The following FRMPD4 variants were observed in gnomAD, a reference collection of about 807,000 sequenced individuals.
The protein encoded by FRMPD4 is FERM and PDZ domain containing 4.
FRMPD4 carries 22 observed loss-of-function variants against 94.1 expected under a neutral mutation model. The ratio of observed to expected loss-of-function variants is 0.23; its 90% CI spans 0.17 to 0.33. The LOEUF (loss-of-function observed/expected upper bound fraction) is 0.33, where lower values mean the gene tolerates loss of function less well. Among genes scored for constraint, FRMPD4 ranks in the 10% least tolerant of loss-of-function variants. The pLI is 1.00. For missense variants in FRMPD4, 1,111 were observed against 1,339.9 expected (o/e 0.83, Z 2.67); for synonymous variants, 631 against 548.6 (o/e 1.15, Z -2.10).
intron 3 of FRMPD4, among the ~76,000 whole-genome samples, chrX:12,096,806 G>C (rs1463228248): frequency 9.0e-6 from 1 of 111,287 alleles, no homozygotes; most frequent in Non-Finnish European, 1.9e-5. Flanking sequence ...AGTATTGCTC[G>C]AGCCCAGGAA....
chrX:11,955,639 G>C (rs192736654), intron 3 of FRMPD4, among the ~76,000 whole-genome samples: 1,209 of 108,609 alleles, frequency 0.011, 21 homozygotes, highest in African/African-American at 0.038. Context: ...CTACTCGGGA[G>C]GCTGAGGCAG....
chrX:12,035,456 T>C (rs964589772), intron 3 of FRMPD4, among the ~76,000 whole-genome samples: 3 of 111,987 alleles, frequency 2.7e-5, no homozygotes, highest in Non-Finnish European at 3.8e-5. Context: ...TATTATAACA[T>C]GGTAACTTTG....
intron 3 of FRMPD4, among the ~76,000 whole-genome samples, chrX:11,906,518 T>G (rs970559834): frequency 1.3e-4 from 14 of 111,799 alleles, no homozygotes; most frequent in Non-Finnish European, 2.6e-4. Context: ...TTTTTGTGGG[T>G]TTTTTCATTC....
At position 12,716,928 on chromosome X, in the gene FRMPD4, T is replaced by C. The variant is rs1479752361; in HGVS notation, c.2469T>C (p.Ser823=). 8.3e-7 allele frequency: 1 copy of C among 1,210,970 alleles called. No homozygotes were observed. Among genetic ancestry groups the C allele is most frequent in the South Asian group, 1.8e-5 (1 of 56,946 alleles). ...GAGACAGTTCAGATGAAGAGGACTC[T>C]CAGAGCCAGGCAGCTTCCTTCCCCG... ...GFRDSSDEED[S]QSQAASFPED... The change falls in exon 15 of 17, where the codon TCT becomes TCC. Residue 823 remains serine (S), a synonymous_variant. Transcript: ENST00000675598.
intron 3 of FRMPD4, among the ~76,000 whole-genome samples, chrX:12,107,571 G>A (rs1265447070): frequency 8.9e-6 from 1 of 112,275 alleles, no homozygotes; most frequent in Non-Finnish European, 1.9e-5. Flanking sequence ...TGAGTTGAGA[G>A]AAGAAGGCTT....
intron 4 of FRMPD4, among the ~76,000 whole-genome samples, chrX:12,653,502 G>A (rs973473518): frequency 2.7e-5 from 3 of 111,812 alleles, no homozygotes; most frequent in Admixed American, 9.5e-5. Context: ...AAGCAGTAGA[G>A]GGGTTCTGGT....
chrX:12,173,550 A>T (rs184415739), intron 1 of FRMPD4, among the ~76,000 whole-genome samples: 1 of 112,401 alleles, frequency 8.9e-6, no homozygotes, highest in East Asian at 2.8e-4. Flanking sequence ...AAAATGTCAC[A>T]TTTCTCTCTC....
intron 3 of FRMPD4, among the ~76,000 whole-genome samples, chrX:11,882,227 A>G (rs1431037165): frequency 9.0e-6 from 1 of 111,313 alleles, no homozygotes; most frequent in African/African-American, 3.3e-5. Context: ...TAAAGGGTAA[A>G]GAGGAGATAG....
intron 2 of FRMPD4, among the ~76,000 whole-genome samples, chrX:12,576,560 C>G (rs2058813707): frequency 1.8e-5 from 2 of 112,767 alleles, no homozygotes. Flanking sequence ...ACAGTACCCT[C>G]AGGCACTCTT....
intron 1 of FRMPD4, among the ~76,000 whole-genome samples, chrX:12,368,842 G>A (rs1459064367): frequency 8.9e-6 from 1 of 111,895 alleles, no homozygotes; most frequent in African/African-American, 3.3e-5. Context: ...TTGCACCACT[G>A]TACTCCAGCC....
chrX:12,132,636 G>A lies in FRMPD4; in HGVS notation c.95+254618G>A, dbSNP rs367638795. ...GTAATAAAAAAGACATTGAGAAGAC[G>A]CAAACAGCAAGGAAAGAAGAAAACC... is the stretch of plus-strand genomic sequence containing the variant. On this transcript the variant is annotated intron_variant, in intron 3 of 18. Coordinates refer to the FRMPD4 transcript ENST00000640291. Among the ~76,000 whole-genome samples the A allele has an allele frequency of 1.6e-3, 180 of 111,148 alleles. 1 individual carries two copies. Among genetic ancestry groups the A allele is most frequent in the African/African-American group, 5.6e-3 (171 of 30,579 alleles).
At chrX:11,959,196 G>A (rs1263598354) in intron 3 of FRMPD4, among the ~76,000 whole-genome samples, 1 of 112,451 alleles carries the variant, frequency 8.9e-6, no homozygotes, top group East Asian at 2.8e-4. Context: ...TTGGAAGGGA[G>A]AGCTTTATTT....
chrX:12,545,626 G>A (rs1302778385), intron 2 of FRMPD4, among the ~76,000 whole-genome samples: 1 of 112,766 alleles, frequency 8.9e-6, no homozygotes, highest in East Asian at 2.8e-4. Context: ...CTGGGGGGAT[G>A]GGCTGTGTGT....
intron 2 of FRMPD4, 75 bp from the exon 3 acceptor site, chrX:12,609,646 G>C: frequency 2.3e-6 from 2 of 866,033 alleles, no homozygotes; most frequent in Non-Finnish European, 3.3e-6. Flanking sequence ...TGAAATTAAA[G>C]AGAATATGAT....
intron 3 of FRMPD4, among the ~76,000 whole-genome samples, chrX:11,975,106 G>A (rs773320019): frequency 8.9e-6 from 1 of 111,890 alleles, no homozygotes; most frequent in African/African-American, 3.2e-5. Flanking sequence ...TGTTCTCTGT[G>A]TTCTTTCATA....
At chrX:12,588,554 T>A (rs935943033) in intron 2 of FRMPD4, among the ~76,000 whole-genome samples, 1 of 112,598 alleles carries the variant, frequency 8.9e-6, no homozygotes, top group African/African-American at 3.2e-5. Flanking sequence ...TGGAGTATTT[T>A]ACAACTATAT....
At chrX:12,382,753 A>G (rs752936343) in intron 1 of FRMPD4, among the ~76,000 whole-genome samples, 3 of 111,159 alleles carry the variant, frequency 2.7e-5, no homozygotes, top group Middle Eastern at 4.6e-3. Flanking sequence ...AGCATCCCCT[A>G]TCTATCATCT....
At chrX:11,981,610 A>G (rs184174764) in intron 3 of FRMPD4, among the ~76,000 whole-genome samples, 28 of 111,788 alleles carry the variant, frequency 2.5e-4, no homozygotes, top group Non-Finnish European at 7.5e-5. Context: ...CTTGATTTCA[A>G]TTCTGTCTGA....
intron 14 of FRMPD4, among the ~76,000 whole-genome samples, chrX:12,714,978 G>A (rs1009799072): frequency 3.6e-5 from 4 of 112,113 alleles, no homozygotes; most frequent in South Asian, 3.7e-4. Context: ...CATGATTTGC[G>A]GGGAGCAAAA....
Sources: gnomAD v4.1 joint callset for allele counts (sites outside exome capture counted in the v4.1 genomes callset) on GRCh38, gnomAD v4.1.1 for gene constraint, MANE v1.5 for transcripts, NCBI Gene and HGNC (gene_info 2026-07-23, HGNC 2026-07-21) for gene names.